Variants in SHTN1 observed in about 807,000 individuals in gnomAD.
SHTN1 encodes shootin 1.
SHTN1 carries 42 observed loss-of-function variants against 83.1 expected under a neutral mutation model. The observed-to-expected ratio is 0.51, with a 90% CI of 0.39 to 0.65. SHTN1 has a LOEUF of 0.65. Among genes scored for constraint, SHTN1 ranks in the 30% least tolerant of loss-of-function variants. The pLI, the probability that SHTN1 is intolerant of heterozygous loss-of-function variation, is 0.00. For synonymous variants in SHTN1, 224 were observed against 247.7 expected, an observed-to-expected ratio of 0.90 and a Z score of 0.90; for missense variants, 622 against 737.8, an observed-to-expected ratio of 0.84 and a Z score of 1.82.
At chr10:116,951,424 CAAACA>C (rs1424636575) in intron 6 of SHTN1, among the ~76,000 whole-genome samples, 1 of 152,094 alleles carries the variant, frequency 6.6e-6, no homozygotes, top group Non-Finnish European at 1.5e-5. Flanking sequence ...GGTCTTGTCT[CAAACA>C]AAACAAAACA....
chr10:116,939,837 T>TA (rs1291467532), intron 9 of SHTN1, among the ~76,000 whole-genome samples: 1 of 152,240 alleles, frequency 6.6e-6, no homozygotes, highest in African/African-American at 2.4e-5. Flanking sequence ...GTGGTCTCTT[T>TA]AATTTGGAAG....
Position 117,005,119 on chromosome 10 carries a change from C to A in SHTN1, c.-40G>T, listed in dbSNP as rs569292667. ...CCGGGAATAAAAGGGAAAGAGGGAG[C>A]GGCGCGGGGCACACAGGAGGAGGGG... On this transcript the variant is annotated 5_prime_UTR_variant, in exon 1 of 17. Transcript: ENST00000355371. 2 of 1,570,498 alleles carry A rather than the reference C, an allele frequency of 1.3e-6. No homozygotes were observed. Among genetic ancestry groups the A allele is most frequent in the East Asian group, 4.6e-5 (2 of 43,394 alleles).
At chr10:117,085,450 C>T (rs576947251) in intron 1 of SHTN1, among the ~76,000 whole-genome samples, 3 of 152,204 alleles carry the variant, frequency 2.0e-5, no homozygotes, top group Admixed American at 6.5e-5. Flanking sequence ...GGGTATTTTC[C>T]AGCTATCTTT....
intron 1 of SHTN1, among the ~76,000 whole-genome samples, chr10:117,061,158 T>C (rs569139465): frequency 4.6e-5 from 7 of 151,118 alleles, no homozygotes; most frequent in South Asian, 4.2e-4. Flanking sequence ...TTTCTTTTTT[T>C]TTTTCTGAGG....
At chr10:116,963,315 G>A (rs890358309) in intron 3 of SHTN1, among the ~76,000 whole-genome samples, 4 of 150,748 alleles carry the variant, frequency 2.7e-5, no homozygotes, top group Non-Finnish European at 5.9e-5. Flanking sequence ...CTCGTGATCC[G>A]CCCGCCTCGG....
At chr10:117,083,405 G>A (rs1228304553) in intron 1 of SHTN1, among the ~76,000 whole-genome samples, 16 of 149,968 alleles carry the variant, frequency 1.1e-4, no homozygotes, top group African/African-American at 3.2e-4. Context: ...CGAGAGATCC[G>A]CTGTTAGTCT....
chr10:116,952,138 T>C, intron 5 of SHTN1, 132 bp from the exon 6 acceptor site: 1 of 426,834 alleles, frequency 2.3e-6, no homozygotes, highest in Admixed American at 4.2e-5. Flanking sequence ...TAAAAAGAAA[T>C]GAAGAACCAA....
At chr10:116,976,339 GA>G (rs1237187665) in intron 2 of SHTN1, among the ~76,000 whole-genome samples, 2 of 152,132 alleles carry the variant, frequency 1.3e-5, no homozygotes, top group Admixed American at 6.5e-5. Context: ...CTGCCCAAAG[GA>G]ATCACATCCA....
rs541348650 is a variant in SHTN1 at position 116,923,593 on chromosome 10, T to C, written c.1113-2077A>G. Among the ~76,000 whole-genome samples the C allele has an allele frequency of 1.1e-3, 163 of 152,104 alleles. 1 individual carries two copies. The highest frequency in any genetic ancestry group is 1.9e-3 in the Non-Finnish European group (132 of 67,976). On this transcript the variant is annotated intron_variant, in intron 11 of 16. Coordinates refer to ENST00000355371, the MANE Select transcript of SHTN1 (RefSeq NM_001127211.3). ...TTTTTTGAGACAGGGTCTCACTCTG[T>C]TGCCCATGCTGGAGTACAAGGGCAC...
chr10:117,045,690 T>TCAGTACATC (rs1852651496), intron 2 of SHTN1, among the ~76,000 whole-genome samples: 1 of 152,174 alleles, frequency 6.6e-6, no homozygotes. Flanking sequence ...TTCCTTTTAC[T>TCAGTACATC]CAGTACATCA....
intron 9 of SHTN1, among the ~76,000 whole-genome samples, chr10:116,939,251 A>G (rs1050316899): frequency 6.6e-6 from 1 of 152,126 alleles, no homozygotes; most frequent in Non-Finnish European, 1.5e-5. Context: ...TGTCTGCCCA[A>G]ATGGCCACCC....
At chr10:116,981,735 A>G (rs2133486105) in intron 1 of SHTN1, among the ~76,000 whole-genome samples, 1 of 152,312 alleles carries the variant, frequency 6.6e-6, no homozygotes, top group East Asian at 1.9e-4. Context: ...TACTTTACAG[A>G]CATACAGAAT....
intron 1 of SHTN1, among the ~76,000 whole-genome samples, chr10:117,097,472 G>A (rs544729240): frequency 6.6e-5 from 10 of 152,318 alleles, no homozygotes; most frequent in African/African-American, 2.4e-4. Flanking sequence ...CATACTATGT[G>A]CCAATTTAGA....
intron 7 of SHTN1, among the ~76,000 whole-genome samples, chr10:116,945,684 G>A (rs756032337): frequency 7.2e-5 from 11 of 152,100 alleles, no homozygotes; most frequent in Non-Finnish European, 1.0e-4. Flanking sequence ...TATTAAATTT[G>A]GTATGCAGTG....
chr10:117,001,767 A>C (rs1851830280), intron 1 of SHTN1, among the ~76,000 whole-genome samples: 1 of 152,172 alleles, frequency 6.6e-6, no homozygotes, highest in Non-Finnish European at 1.5e-5. Context: ...TTGAAATGAT[A>C]AATACTGGAG....
At chr10:116,954,817 G>A (rs1564896315) in intron 4 of SHTN1, among the ~76,000 whole-genome samples, 1 of 152,098 alleles carries the variant, frequency 6.6e-6, no homozygotes, top group Non-Finnish European at 1.5e-5. Context: ...GGAGCTGCTG[G>A]TAACCACATT....
intron 1 of SHTN1, among the ~76,000 whole-genome samples, chr10:116,986,716 CTTTTTTTTTTTTT>C (rs869306412): frequency 1.3e-5 from 1 of 75,884 alleles, no homozygotes; most frequent in Admixed American, 1.6e-4. Context: ...ACCCAGTATC[CTTTTTTTTTTTTT>C]TTTTTTTTTT....
At chr10:116,971,305 A>G (rs1850609754) in intron 2 of SHTN1, among the ~76,000 whole-genome samples, 1 of 152,206 alleles carries the variant, frequency 6.6e-6, no homozygotes, top group Non-Finnish European at 1.5e-5. Context: ...TCCCGTGGCA[A>G]TCCCATCCTC....
intron 1 of SHTN1, among the ~76,000 whole-genome samples, chr10:117,075,338 T>C (rs997063462): frequency 6.6e-5 from 10 of 152,202 alleles, no homozygotes; most frequent in African/African-American, 2.4e-4. Flanking sequence ...CAGTGCAACA[T>C]AACTTGTGCA....
Sources: allele counts gnomAD v4.1 joint callset (sites outside exome capture counted in the v4.1 genomes callset), GRCh38; gene constraint gnomAD v4.1.1; transcripts MANE v1.5; gene names NCBI Gene and HGNC (gene_info 2026-07-23, HGNC 2026-07-21).